The following DDX4 variants were observed in gnomAD, a reference collection of about 807,000 sequenced individuals.
The protein encoded by DDX4 is DEAD-box helicase 4.
DDX4 carries 25 observed loss-of-function variants against 100.0 expected under a neutral mutation model. The observed-to-expected ratio is 0.25, with a 90% CI of 0.18 to 0.35. The LOEUF (loss-of-function observed/expected upper bound fraction) is 0.35. Ranked by LOEUF, DDX4 falls within the 10% of genes least tolerant of loss-of-function variation. The pLI is 1.00. For missense variants in DDX4, 635 were observed against 882.4 expected, an observed-to-expected ratio of 0.72 and a Z score of 3.55; for synonymous variants, 259 against 275.7, an observed-to-expected ratio of 0.94 and a Z score of 0.60.
intron 14 of DDX4, 110 bp downstream of exon 14, chr5:55,786,780 C>G: frequency 1.2e-6 from 1 of 810,384 alleles, no homozygotes; most frequent in Admixed American, 2.2e-5. Context: ...TTTCAGTTAC[C>G]TGTCATAAGT....
chr5:55,780,194 A>G (rs561645278), intron 8 of DDX4, 129 bp downstream of exon 8: 2 of 1,364,666 alleles, frequency 1.5e-6, no homozygotes, highest in South Asian at 3.1e-5. Flanking sequence ...ACTAATACAC[A>G]TTAATCACCA....
intron 6 of DDX4, among the ~76,000 whole-genome samples, chr5:55,765,405 A>ATATATATAT (rs1554076953): frequency 1.0e-5 from 1 of 100,346 alleles, no homozygotes; most frequent in Non-Finnish European, 2.0e-5. Flanking sequence ...TAAAAAAAAA[A>ATATATATAT]AAAAAAAAAT....
chr5:55,812,033 C>G (rs984083627), intron 18 of DDX4, among the ~76,000 whole-genome samples: 1 of 151,996 alleles, frequency 6.6e-6, no homozygotes, highest in Non-Finnish European at 1.5e-5. Flanking sequence ...TCTCATTTAC[C>G]AAAGATTTCA....
intron 20 of DDX4, 53 bp from the exon 21 acceptor site, chr5:55,815,260 C>T: frequency 6.3e-7 from 1 of 1,593,454 alleles, no homozygotes; most frequent in Non-Finnish European, 8.5e-7. Flanking sequence ...AACAAGTAAA[C>T]TTTTCCAATA....
intron 17 of DDX4, among the ~76,000 whole-genome samples, chr5:55,797,340 C>T (rs1316533805): frequency 6.6e-6 from 1 of 152,100 alleles, no homozygotes; most frequent in Non-Finnish European, 1.5e-5. Flanking sequence ...TAGGCTAACA[C>T]CATCATGTTC....
chr5:55,810,740 C>G (rs1402981213), intron 18 of DDX4, among the ~76,000 whole-genome samples: 1 of 152,106 alleles, frequency 6.6e-6, no homozygotes, highest in Non-Finnish European at 1.5e-5. Flanking sequence ...TCCTGGGGCT[C>G]TCTCTGAGAA....
intron 18 of DDX4, among the ~76,000 whole-genome samples, chr5:55,805,952 C>T (rs1180726236): frequency 1.3e-5 from 2 of 152,204 alleles, no homozygotes; most frequent in Admixed American, 6.5e-5. Flanking sequence ...TCCATCTGGT[C>T]CTGGACTTTT....
intron 3 of DDX4, among the ~76,000 whole-genome samples, chr5:55,757,993 G>A (rs749499354): frequency 4.6e-5 from 7 of 152,110 alleles, no homozygotes; most frequent in Admixed American, 6.6e-5. Flanking sequence ...CGCAGTGAGC[G>A]GAAATTGTGC....
intron 19 of DDX4, among the ~76,000 whole-genome samples, chr5:55,814,386 G>A (rs1284433080): frequency 6.6e-6 from 1 of 152,112 alleles, no homozygotes; most frequent in Non-Finnish European, 1.5e-5. Flanking sequence ...TTTGCAAATG[G>A]GGATAATTTT....
At chr5:55,806,778 G>A (rs778753842) in intron 18 of DDX4, among the ~76,000 whole-genome samples, 1 of 152,194 alleles carries the variant, frequency 6.6e-6, no homozygotes, top group African/African-American at 2.4e-5. Context: ...GTGCGGTGTG[G>A]TGCTGAGAAG....
intron 18 of DDX4, among the ~76,000 whole-genome samples, chr5:55,810,956 G>C (rs1744093126): frequency 6.6e-6 from 1 of 151,736 alleles, no homozygotes; most frequent in South Asian, 2.1e-4. Flanking sequence ...AATAACCACA[G>C]CTCTTTCATA....
At chr5:55,741,351 G>C (rs1758971850) in intron 2 of DDX4, among the ~76,000 whole-genome samples, 1 of 152,152 alleles carries the variant, frequency 6.6e-6, no homozygotes, top group African/African-American at 2.4e-5. Flanking sequence ...ATTTGTGTTG[G>C]GTGAATTTGT....
chr5:55,774,674 C>A (rs2111919826), intron 7 of DDX4, among the ~76,000 whole-genome samples: 1 of 152,210 alleles, frequency 6.6e-6, no homozygotes, highest in Non-Finnish European at 1.5e-5. Flanking sequence ...GTCTTTGATG[C>A]ATTTTGAATT....
rs137993034 is a variant in DDX4 at position 55,780,000 on chromosome 5, C to T, written c.431C>T (p.Pro144Leu). ...GGAAATAATTCAGAAGCTTCAGGGC[C>T]ATACAGAAGAGGTGGAAGAGGTAGT... The part of the protein sequence containing the change: ...RDGNNSEASG[P>L]YRRGGRGSFR... The change falls in exon 8 of 22, where the codon CCA (proline) becomes CTA (leucine). Residue 144 changes from proline to leucine, a missense_variant. By Grantham distance (98) the Pro-to-Leu change is moderately conservative. This residue lies in a region of DDX4 where 446 missense variants were observed against 540.8 expected (regional missense o/e 0.82). Coordinates refer to ENST00000505374, the MANE Select transcript of DDX4 (RefSeq NM_024415.3). The T allele has an allele frequency of 6.2e-7, 1 of 1,613,886 alleles. No individual in the cohort carries two copies. The highest frequency in any genetic ancestry group is 8.5e-7 in the Non-Finnish European group (1 of 1,179,918).
In DDX4 at chr5:55,786,687, A is replaced by G. The variant is rs780281177; in HGVS notation, c.1017+17A>G. 10 of 1,605,332 alleles carry G rather than the reference A, an allele frequency of 6.2e-6. No homozygotes were observed. The highest frequency in any genetic ancestry group is 6.0e-6 in the Non-Finnish European group (7 of 1,174,580). On this transcript the variant is annotated intron_variant, in intron 14 of 21. Transcript: ENST00000505374. ...GGGAAGACTGTAAGTCTTTCCCCAC[A>G]TGTCCAAACTGTTAGGTTTTTTGAG...
chr5:55,815,779 T>C (rs1375545250), intron 21 of DDX4, among the ~76,000 whole-genome samples: 6 of 150,744 alleles, frequency 4.0e-5, no homozygotes, highest in African/African-American at 7.3e-5. Flanking sequence ...CTTTTCTTTT[T>C]TTTTTTTTTT....
chr5:55,771,796 G>A (rs764347420), intron 7 of DDX4, among the ~76,000 whole-genome samples: 30 of 152,244 alleles, frequency 2.0e-4, no homozygotes, highest in Middle Eastern at 3.4e-3. Context: ...GGAATGTGGA[G>A]CACTTCTTAT....
chr5:55,778,079 A>G (rs1166121145), intron 7 of DDX4, among the ~76,000 whole-genome samples: 1 of 152,200 alleles, frequency 6.6e-6, no homozygotes, highest in African/African-American at 2.4e-5. Flanking sequence ...GAAAATATGT[A>G]CAATTTGATC....
At position 55,780,000 on chromosome 5, in the gene DDX4, C is replaced by A. The variant is rs137993034; in HGVS notation, c.431C>A (p.Pro144Gln). 6.2e-7 allele frequency: 1 copy of A among 1,613,768 alleles called. No homozygotes were observed. Among genetic ancestry groups the A allele is most frequent in the African/African-American group, 1.3e-5 (1 of 74,874 alleles). ...RDGNNSEASG[P>Q]YRRGGRGSFR... ...GGAAATAATTCAGAAGCTTCAGGGC[C>A]ATACAGAAGAGGTGGAAGAGGTAGT... Residue 144 changes from proline (P) to glutamine (Q), a missense_variant, in exon 8 of 22, where the codon CCA (proline) becomes CAA (glutamine). Coordinates refer to ENST00000505374, the MANE Select transcript of DDX4 (RefSeq NM_024415.3).
Sources: allele counts gnomAD v4.1 joint callset (sites outside exome capture counted in the v4.1 genomes callset), GRCh38; gene constraint gnomAD v4.1.1; regional missense constraint gnomAD v4.1.1; transcripts MANE v1.5; gene names NCBI Gene and HGNC (gene_info 2026-07-23, HGNC 2026-07-21).